ATAD2B: variants seen among roughly 807,000 people sequenced by gnomAD.
The protein encoded by ATAD2B is ATPase family AAA domain containing 2B.
In ATAD2B, 40 loss-of-function variants were observed where a neutral mutation model predicts 167.6. That is an observed-to-expected ratio of 0.24 (90% CI 0.19 to 0.31). The LOEUF is 0.31. Among genes scored for constraint, ATAD2B ranks in the 10% least tolerant of loss-of-function variants. The pLI is 1.00. For synonymous variants in ATAD2B, 579 were observed against 596.5 expected (o/e 0.97, Z 0.43); for missense variants, 1,242 against 1,757.2 (o/e 0.71, Z 5.24).
intron 2 of ATAD2B, among the ~76,000 whole-genome samples, chr2:23,894,695 A>G (rs1454137356): frequency 3.3e-5 from 5 of 152,200 alleles, no homozygotes; most frequent in African/African-American, 1.2e-4. Context: ...TAACAGGTAG[A>G]TCAAGTCTAA....
At chr2:23,790,246 G>A (rs1407263897) in intron 19 of ATAD2B, among the ~76,000 whole-genome samples, 1 of 152,092 alleles carries the variant, frequency 6.6e-6, no homozygotes, top group East Asian at 1.9e-4. Flanking sequence ...AGTATCAGAA[G>A]AAAAGCATTA....
chr2:23,745,422 AAAGGGAAGGG>A (rs373427651), downstream of ATAD2B, among the ~76,000 whole-genome samples: 10 of 85,058 alleles, frequency 1.2e-4, no homozygotes, highest in African/African-American at 4.8e-4. Context: ...GGAAGGAAGG[AAAGGGAAGGG>A]AAGGGAAGGG....
the ATAD2B span, among the ~76,000 whole-genome samples, chr2:23,743,084 A>C: frequency 6.6e-6 from 1 of 152,066 alleles, no homozygotes; most frequent in African/African-American, 2.4e-5. Flanking sequence ...ACAGGATATA[A>C]ATGAGAAAAG....
intron 21 of ATAD2B, among the ~76,000 whole-genome samples, chr2:23,785,000 A>C (rs982611362): frequency 1.2e-4 from 19 of 152,056 alleles, no homozygotes; most frequent in Admixed American, 1.2e-3. Flanking sequence ...TGATAAGAGG[A>C]TCAAATGGAA....
Position 23,870,250 on chromosome 2 carries a change from T to A in ATAD2B, c.978-489A>T, listed in dbSNP as rs547219972. Among the ~76,000 whole-genome samples the A allele has an allele frequency of 6.0e-3, 869 of 145,438 alleles. 2 individuals carry two copies. The highest frequency in any genetic ancestry group is 9.4e-3 in the Non-Finnish European group (628 of 66,576). On this transcript the variant is annotated intron_variant, in intron 8 of 27. Coordinates refer to ENST00000238789, the MANE Select transcript of ATAD2B (RefSeq NM_017552.4). ...AGAATAGAAAGCCTAAAGTTTTTTT[T>A]AAAAGAATAATTCAGGAAGGGAGTC... is the stretch of plus-strand genomic sequence containing the variant.
chr2:23,678,438 A>C, the ATAD2B span, among the ~76,000 whole-genome samples: 1 of 152,170 alleles, frequency 6.6e-6, no homozygotes, highest in Non-Finnish European at 1.5e-5. Context: ...TGGCACCACT[A>C]TCATAGGAAT....
At chr2:23,696,761 C>T in the ATAD2B span, 12 of 407,290 alleles carry the variant, frequency 2.9e-5, no homozygotes, top group East Asian at 1.0e-4. The surrounding 1 kb of genome is among the most constrained non-coding windows in gnomAD (Gnocchi z 5.5). Flanking sequence ...GCTTCTGTCC[C>T]GACAACCCAT....
the ATAD2B span, among the ~76,000 whole-genome samples, chr2:23,737,617 T>C: frequency 1.3e-5 from 2 of 152,096 alleles, no homozygotes; most frequent in Non-Finnish European, 2.9e-5. Context: ...GCAGGAAAAC[T>C]GGAAACTCTA....
intron 19 of ATAD2B, among the ~76,000 whole-genome samples, chr2:23,794,062 G>A (rs1298584171): frequency 6.6e-6 from 1 of 152,146 alleles, no homozygotes; most frequent in Non-Finnish European, 1.5e-5. Context: ...ACCCAGGCTG[G>A]AGTGCAGTGA....
At chr2:23,703,889 G>A in the ATAD2B span, 1 of 1,527,824 alleles carries the variant, frequency 6.5e-7, no homozygotes, top group Non-Finnish European at 8.8e-7. Flanking sequence ...GCCTTGACTA[G>A]GGCTGGGACG....
chr2:23,880,517 C>A (rs148808482), intron 7 of ATAD2B, 122 bp downstream of exon 7: 7 of 611,132 alleles, frequency 1.1e-5, no homozygotes, highest in Admixed American at 3.0e-5. Context: ...GAACTGGGAT[C>A]GCACCACTGC....
intron 1 of ATAD2B, among the ~76,000 whole-genome samples, chr2:23,912,827 A>T (rs1050630732): frequency 4.6e-5 from 7 of 151,956 alleles, no homozygotes; most frequent in Non-Finnish European, 2.9e-5. Flanking sequence ...CCCCATCCCT[A>T]CTAAAAATAC....
At chr2:23,723,809 A>G in the ATAD2B span, among the ~76,000 whole-genome samples, 9 of 152,190 alleles carry the variant, frequency 5.9e-5, no homozygotes, top group African/African-American at 2.2e-4. Context: ...AGACATCTGC[A>G]CTCCCATATT....
At chr2:23,743,040 A>G in the ATAD2B span, among the ~76,000 whole-genome samples, 19 of 152,218 alleles carry the variant, frequency 1.2e-4, no homozygotes, top group Non-Finnish European at 2.2e-4. Flanking sequence ...AAACAAAACA[A>G]TAAGCAGAAA....
chr2:23,794,184 A>G (rs1682245855), intron 19 of ATAD2B, among the ~76,000 whole-genome samples: 1 of 152,066 alleles, frequency 6.6e-6, no homozygotes, highest in Non-Finnish European at 1.5e-5. Context: ...TAATTTTTGT[A>G]TTGTTTGTAG....
At chr2:23,860,440 A>G (rs1694169398) in intron 12 of ATAD2B, among the ~76,000 whole-genome samples, 1 of 152,204 alleles carries the variant, frequency 6.6e-6, no homozygotes, top group African/African-American at 2.4e-5. Flanking sequence ...TTGCAGTGTC[A>G]TTTTTCTCAC....
At chr2:23,708,320 A>G in the ATAD2B span, 3 of 152,256 alleles carry the variant, frequency 2.0e-5, no homozygotes, top group Non-Finnish European at 4.4e-5. Flanking sequence ...TATGTCAAAC[A>G]GGGTGCAAGT....
intron 16 of ATAD2B, among the ~76,000 whole-genome samples, chr2:23,821,745 T>C (rs1687480517): frequency 6.6e-6 from 1 of 152,226 alleles, no homozygotes; most frequent in Non-Finnish European, 1.5e-5. Flanking sequence ...CTTTATACTC[T>C]GATTAGAATG....
the ATAD2B span, among the ~76,000 whole-genome samples, chr2:23,702,750 C>G: frequency 2.0e-5 from 3 of 152,330 alleles, no homozygotes; most frequent in Middle Eastern, 3.4e-3. Context: ...TGGCTGCCTT[C>G]CCCACGAGGC....
Sources: gnomAD v4.1 joint callset for allele counts (sites outside exome capture counted in the v4.1 genomes callset) on GRCh38, gnomAD v4.1.1 for gene constraint, Gnocchi (gnomAD v3.1) non-coding constraint, MANE v1.5 for transcripts, NCBI Gene and HGNC (gene_info 2026-07-23, HGNC 2026-07-21) for gene names.